Variants in BRINP3 observed in about 807,000 individuals in gnomAD.
The protein encoded by BRINP3 is BMP/retinoic acid inducible neural specific 3.
Under a neutral mutation model 71.0 loss-of-function variants are expected in BRINP3, and 19 were observed. That is an observed-to-expected ratio of 0.27 (90% confidence interval 0.19 to 0.39). BRINP3 has a LOEUF of 0.39. Among genes scored for constraint, BRINP3 ranks in the 10% least tolerant of loss-of-function variants. BRINP3 has a pLI of 1.00. For missense variants in BRINP3, 959 were observed against 940.8 expected (o/e 1.02, Z -0.25); for synonymous variants, 380 against 337.7 (o/e 1.13, Z -1.37).
chr1:190,164,761 C>CT (rs770247420), intron 6 of BRINP3, among the ~76,000 whole-genome samples: 213 of 145,530 alleles, frequency 1.5e-3, no homozygotes, highest in Middle Eastern at 3.6e-3. Flanking sequence ...TCTTTTATCT[C>CT]TTTTTTTTTT....
intron 6 of BRINP3, among the ~76,000 whole-genome samples, chr1:190,193,940 C>A (rs1320883089): frequency 6.6e-6 from 1 of 152,108 alleles, no homozygotes; most frequent in Admixed American, 6.6e-5. Context: ...CAACTTTCCC[C>A]TAAATTATCC....
intron 7 of BRINP3, among the ~76,000 whole-genome samples, chr1:190,112,971 A>T (rs1262784701): frequency 6.6e-6 from 1 of 152,142 alleles, no homozygotes; most frequent in Admixed American, 6.5e-5. Context: ...GAATGGTACA[A>T]ACTTTCAGCT....
intron 2 of BRINP3, among the ~76,000 whole-genome samples, chr1:190,311,250 C>A (rs1665497115): frequency 6.6e-6 from 1 of 151,542 alleles, no homozygotes; most frequent in Non-Finnish European, 1.5e-5. Flanking sequence ...GAAGACACAG[C>A]ATTTAAACTT....
chr1:190,238,166 A>C (rs1217895576), intron 4 of BRINP3, among the ~76,000 whole-genome samples: 15 of 152,034 alleles, frequency 9.9e-5, no homozygotes, highest in Admixed American at 9.9e-4. Context: ...TTTTCCAGAA[A>C]TAAGTGTTTC....
intron 7 of BRINP3, among the ~76,000 whole-genome samples, chr1:190,140,168 T>A (rs1191497037): frequency 6.6e-6 from 1 of 152,200 alleles, no homozygotes; most frequent in Admixed American, 6.5e-5. Flanking sequence ...GTATTTTTTA[T>A]TTTGTGAAAC....
intron 2 of BRINP3, among the ~76,000 whole-genome samples, chr1:190,384,041 G>T (rs1161956237): frequency 1.3e-5 from 2 of 151,714 alleles, no homozygotes; most frequent in Non-Finnish European, 2.9e-5. Context: ...CATTAATAAT[G>T]TGGCCAAGAT....
chr1:190,141,114 G>A (rs1571819060), intron 7 of BRINP3, among the ~76,000 whole-genome samples: 2 of 152,026 alleles, frequency 1.3e-5, no homozygotes, highest in Middle Eastern at 6.8e-3. Context: ...CTTTAAATGA[G>A]GCCTGTTTTT....
At chr1:190,150,439 C>T (rs1195397585) in intron 7 of BRINP3, among the ~76,000 whole-genome samples, 1 of 152,044 alleles carries the variant, frequency 6.6e-6, no homozygotes, top group African/African-American at 2.4e-5. Context: ...AGTGGTGTTA[C>T]CAAATTAGTC....
intron 6 of BRINP3, among the ~76,000 whole-genome samples, chr1:190,166,427 C>CAG (rs949795657): frequency 1.3e-5 from 2 of 152,148 alleles, no homozygotes; most frequent in Non-Finnish European, 2.9e-5. Flanking sequence ...TGACCCCATT[C>CAG]ATCTGTTTGA....
intron 2 of BRINP3, among the ~76,000 whole-genome samples, chr1:190,353,832 T>C (rs1204216929): frequency 6.6e-6 from 1 of 152,014 alleles, no homozygotes; most frequent in East Asian, 1.9e-4. Flanking sequence ...ACACTACCTT[T>C]AGTTTAATGG....
intron 2 of BRINP3, among the ~76,000 whole-genome samples, chr1:190,321,053 GA>G (rs1374618676): frequency 1.3e-5 from 2 of 151,914 alleles, no homozygotes; most frequent in South Asian, 2.1e-4. Flanking sequence ...TTTAAAATAA[GA>G]GACAGATGTT....
Position 190,145,109 on chromosome 1 carries a change from A to G in BRINP3, c.1184+15559T>C, listed in dbSNP as rs1655775203. Among the ~76,000 whole-genome samples, 3 of 152,100 alleles carry G rather than the reference A, an allele frequency of 2.0e-5. No homozygotes were observed. The South Asian group carries it at 6.2e-4, about 32-fold the overall frequency. On this transcript the variant is annotated intron_variant, in intron 7 of 7. Transcript: ENST00000367462. ...ATTTGCCCATTTACTTTATTTTTTC[A>G]CCCCACTAAATTATTAACTCATAAT...
intron 1 of BRINP3, among the ~76,000 whole-genome samples, chr1:190,455,555 G>T (rs1391083009): frequency 6.6e-6 from 1 of 152,088 alleles, no homozygotes; most frequent in African/African-American, 2.4e-5. Flanking sequence ...ACTGATACAT[G>T]AACAGATGTG....
intron 7 of BRINP3, among the ~76,000 whole-genome samples, chr1:190,155,443 C>T (rs1484209005): frequency 6.6e-6 from 1 of 151,992 alleles, no homozygotes; most frequent in East Asian, 1.9e-4. Flanking sequence ...TATTGTTCAT[C>T]AAAGCTTTCC....
chr1:190,319,103 C>G (rs1270669951), intron 2 of BRINP3, among the ~76,000 whole-genome samples: 1 of 152,110 alleles, frequency 6.6e-6, no homozygotes, highest in Non-Finnish European at 1.5e-5. Context: ...ATATTTCATG[C>G]TCCTACTCAC....
chr1:190,262,923 ATTTC>A (rs951293365), intron 4 of BRINP3, among the ~76,000 whole-genome samples: 1 of 151,988 alleles, frequency 6.6e-6, no homozygotes, highest in Non-Finnish European at 1.5e-5. Flanking sequence ...ATATATATAT[ATTTC>A]TTTTTTTGTG....
chr1:190,265,488 G>T (rs1473637517), intron 3 of BRINP3, among the ~76,000 whole-genome samples: 6 of 151,138 alleles, frequency 4.0e-5, no homozygotes, highest in Non-Finnish European at 1.5e-5. Flanking sequence ...GATCATGAGG[G>T]CAGGAGATCG....
chr1:190,386,514 T>C (rs992197920), intron 2 of BRINP3, among the ~76,000 whole-genome samples: 1 of 152,020 alleles, frequency 6.6e-6, no homozygotes, highest in Non-Finnish European at 1.5e-5. Context: ...AAAATATTTA[T>C]AGTAATTCTC....
intron 2 of BRINP3, among the ~76,000 whole-genome samples, chr1:190,425,906 C>A (rs1196420409): frequency 1.3e-5 from 2 of 151,918 alleles, no homozygotes; most frequent in African/African-American, 2.4e-5. Context: ...GCCAATAAAT[C>A]TGACTCTCAT....
Sources: gnomAD v4.1 joint callset for allele counts (sites outside exome capture counted in the v4.1 genomes callset) on GRCh38, gnomAD v4.1.1 for gene constraint, MANE v1.5 for transcripts, NCBI Gene and HGNC (gene_info 2026-07-23, HGNC 2026-07-21) for gene names.